VRK3: variants seen among roughly 807,000 people sequenced by gnomAD.
VRK3 encodes VRK serine/threonine kinase 3, also known as serine/threonine-protein kinase VRK3.
VRK3 carries 50 observed loss-of-function variants against 60.4 expected under a neutral mutation model. The observed-to-expected ratio is 0.83, with a 90% CI of 0.66 to 1.05. The LOEUF is 1.05. Ranked by LOEUF, VRK3 falls within the 50% of genes least tolerant of loss-of-function variation. The probability of loss-of-function intolerance (pLI) is 0.00; values close to 1 mark genes in which losing one functional copy is unlikely to be tolerated. For missense variants in VRK3, 549 were observed against 585.3 expected (o/e 0.94, Z 0.64); for synonymous variants, 246 against 227.8 (o/e 1.08, Z -0.72).
At position 50,016,139 on chromosome 19, in the gene VRK3, A is replaced by G; in HGVS notation, c.24T>C (p.Cys8=). Residue 8 remains cysteine, a synonymous_variant, in exon 3 of 15, where the codon TGT becomes TGC. Transcript: ENST00000316763. Reference sequence around the variant, plus strand: ...TGAATGCCGCTTGGATACTTTTGCCACAGTCTGGACAGAAGGAGATCATGC... The same window carrying G: ...TGAATGCCGCTTGGATACTTTTGCCGCAGTCTGGACAGAAGGAGATCATGC... The part of the protein sequence containing the change: MISFCPD[C]GKSIQAAFKF... The G allele has an allele frequency of 6.2e-7, 1 of 1,614,230 alleles. No individual in the cohort carries two copies. Among genetic ancestry groups the G allele is most frequent in the Non-Finnish European group, 8.5e-7 (1 of 1,180,052 alleles).
chr19:49,989,567 T>C (rs2076574394), intron 11 of VRK3, 72 bp downstream of exon 11: 1 of 1,522,712 alleles, frequency 6.6e-7, no homozygotes, highest in Admixed American at 1.9e-5. Flanking sequence ...TGTCTCTGGC[T>C]GTGAACTCCT....
chr19:49,994,418 T>C (rs886655912), intron 9 of VRK3, among the ~76,000 whole-genome samples: 2 of 152,204 alleles, frequency 1.3e-5, no homozygotes, highest in Non-Finnish European at 2.9e-5. Flanking sequence ...AAATGCCATA[T>C]GCTCTCCCTT....
intron 12 of VRK3, among the ~76,000 whole-genome samples, chr19:49,983,525 C>T (rs984864058): frequency 6.6e-6 from 1 of 152,246 alleles, no homozygotes; most frequent in Non-Finnish European, 1.5e-5. Flanking sequence ...CACAGCAACA[C>T]CACTGCCACC....
intron 13 of VRK3, among the ~76,000 whole-genome samples, 172 bp from the exon 14 acceptor site, chr19:49,979,414 T>C (rs962449799): frequency 6.6e-6 from 1 of 152,140 alleles, no homozygotes; most frequent in Non-Finnish European, 1.5e-5. Context: ...CAATTGTTTT[T>C]CAGTTTTGGA....
intron 2 of VRK3, among the ~76,000 whole-genome samples, chr19:50,016,911 C>T (rs1332034715): frequency 6.6e-6 from 1 of 152,124 alleles, no homozygotes; most frequent in Non-Finnish European, 1.5e-5. Context: ...AGCAATACGC[C>T]GGGTGCGGTG....
At chr19:49,998,512 TTA>T in intron 6 of VRK3, 1 of 150,506 alleles carries the variant, frequency 6.6e-6, no homozygotes, top group Non-Finnish European at 1.5e-5. Context: ...AATATTTTAA[TTA>T]AACACAACTC....
At chr19:50,008,745 G>A (rs569027880) in intron 4 of VRK3, 161 of 153,052 alleles carry the variant, frequency 1.1e-3, no homozygotes, top group South Asian at 4.9e-3. Context: ...AGGCTCTGGC[G>A]GACGATGAGG....
chr19:49,985,492 C>CT (rs968941818), intron 12 of VRK3, among the ~76,000 whole-genome samples: 2 of 152,156 alleles, frequency 1.3e-5, no homozygotes, highest in South Asian at 2.1e-4. Flanking sequence ...CTTCATGGTC[C>CT]TTCAGGGGGC....
At chr19:49,994,767 G>C (rs775577902) in intron 9 of VRK3, 47 bp downstream of exon 9, 1 of 1,546,182 alleles carries the variant, frequency 6.5e-7, no homozygotes, top group South Asian at 1.1e-5. Context: ...ACTAGGATGT[G>C]ATGTGCCCTC....
At chr19:50,022,257 G>C (rs80314222) in intron 1 of VRK3, among the ~76,000 whole-genome samples, 6,940 of 152,210 alleles carry the variant, frequency 0.046, 214 homozygotes, top group Middle Eastern at 0.11. Context: ...ATTTAAATCT[G>C]GAAGCTGATG....
chr19:49,977,591 G>A (rs1029012337), intron 14 of VRK3, among the ~76,000 whole-genome samples: 2 of 152,126 alleles, frequency 1.3e-5, no homozygotes, highest in South Asian at 2.1e-4. Flanking sequence ...AGAGTCAGAC[G>A]CGACCCTGCC....
rs1267263738 is a variant in VRK3 at position 50,007,677 on chromosome 19, T to C, written c.439A>G (p.Thr147Ala). The C allele has an allele frequency of 6.2e-7, 1 of 1,614,076 alleles. No homozygotes were observed. Among genetic ancestry groups the C allele is most frequent in the Non-Finnish European group, 8.5e-7 (1 of 1,180,014 alleles). The change falls in exon 5 of 15, where the codon ACC (threonine) becomes GCC (alanine). Residue 147 changes from threonine (T) to alanine (A), a missense_variant. Coordinates refer to ENST00000316763, the MANE Select transcript of VRK3 (RefSeq NM_016440.4). ...PQTLKRSRVT[T>A]SLEALPTGTV... is the part of the protein sequence containing the mutation. ...CCTGTGGGCAAAGCTTCAAGTGAGG[T>C]GGTCACTCGGCTCCGCTTCAGCGTC... is the stretch of plus-strand genomic sequence containing the variant.
rs374894126 is a variant in VRK3 at position 49,988,191 on chromosome 19, G to A, written c.1217+181C>T. On this transcript the variant is annotated intron_variant, in intron 12 of 14. Transcript: ENST00000316763. ...GTCTGAGCCCAGGCAGTGTGGCTCC[G>A]GAACACCTGCCTCGCCTGCTGTGTG... 1.4e-4 allele frequency: 123 copies of A among 910,060 alleles called. 2 individuals are homozygous for A. The South Asian group carries it at 1.4e-3, about 10-fold the overall frequency. The allele number at this position is 910,060 out of a possible 1,614,324, so 56.4% of individuals were successfully genotyped here.
intron 5 of VRK3, among the ~76,000 whole-genome samples, chr19:50,006,431 A>G (rs989024172): frequency 6.6e-6 from 1 of 151,556 alleles, no homozygotes; most frequent in East Asian, 2.0e-4. Context: ...GATGGAGTGC[A>G]GTGGTGCAAC....
intron 12 of VRK3, among the ~76,000 whole-genome samples, chr19:49,984,283 A>G (rs1007849035): frequency 2.0e-5 from 3 of 152,150 alleles, no homozygotes; most frequent in Non-Finnish European, 2.9e-5. Context: ...GGAACCTGGC[A>G]CTGAATGCGT....
intron 3 of VRK3, among the ~76,000 whole-genome samples, chr19:50,015,477 T>G (rs948695752): frequency 2.6e-5 from 4 of 152,112 alleles, no homozygotes; most frequent in African/African-American, 7.2e-5. Flanking sequence ...CCCAGCTAAT[T>G]TTTGTATTTT....
chr19:49,995,328 C>G, intron 7 of VRK3, 53 bp from the exon 8 acceptor site: 1 of 1,535,558 alleles, frequency 6.5e-7, no homozygotes, highest in Non-Finnish European at 9.0e-7. Context: ...AAGCCCATGG[C>G]AGTAAGAGCT....
chr19:49,994,019 G>C (rs957103844), intron 9 of VRK3, among the ~76,000 whole-genome samples: 1 of 152,114 alleles, frequency 6.6e-6, no homozygotes, highest in Admixed American at 6.5e-5. Flanking sequence ...CCCTCAGCCT[G>C]CTGTGCGAGG....
rs574459039 is a variant in VRK3 at position 50,000,989 on chromosome 19, C to T, written c.548-135G>A. On this transcript the variant is annotated intron_variant, in intron 5 of 14. Transcript: ENST00000316763. ...AGGTCAAGCGCACTCTTGGCTCTCA[C>T]GACTTGCTGCTTCCTAGTTTTAAAT... 5 of 709,208 alleles carry T rather than the reference C, an allele frequency of 7.1e-6. No homozygotes were observed. In the Admixed American group the frequency reaches 1.2e-4, roughly 17 times the overall value. The allele number at this position is 709,208 out of a possible 1,614,324, so 43.9% of individuals were successfully genotyped here.
Sources: gnomAD v4.1 joint callset for allele counts (sites outside exome capture counted in the v4.1 genomes callset) on GRCh38, gnomAD v4.1.1 for gene constraint, MANE v1.5 for transcripts, NCBI Gene and HGNC (gene_info 2026-07-23, HGNC 2026-07-21) for gene names.